The following CTTNBP2 variants were observed in gnomAD, a reference collection of about 807,000 sequenced individuals.
CTTNBP2 encodes the protein cortactin binding protein 2, also known as cortactin-binding protein 2.
Under a neutral mutation model 156.9 loss-of-function variants are expected in CTTNBP2, and 108 were observed. The ratio of observed to expected loss-of-function variants is 0.69; its 90% CI spans 0.59 to 0.81. The LOEUF is 0.81. Among genes scored for constraint, CTTNBP2 ranks in the 30% least tolerant of loss-of-function variants. CTTNBP2 has a pLI of 0.00. For missense variants in CTTNBP2, 1,924 were observed against 2,035.4 expected (o/e 0.95, Z 1.05); for synonymous variants, 767 against 751.8 (o/e 1.02, Z -0.33).
At chr7:117,780,183 A>C (rs996746596) in intron 7 of CTTNBP2, among the ~76,000 whole-genome samples, 1 of 152,220 alleles carries the variant, frequency 6.6e-6, no homozygotes, top group African/African-American at 2.4e-5. Context: ...TTCTAAAAAT[A>C]ATCAAAGCAT....
chr7:117,716,415 C>T (rs1425063537), intron 22 of CTTNBP2, among the ~76,000 whole-genome samples: 1 of 152,076 alleles, frequency 6.6e-6, no homozygotes, highest in Non-Finnish European at 1.5e-5. Flanking sequence ...TTGCTAAGAT[C>T]CTCCTGGCCC....
intron 16 of CTTNBP2, among the ~76,000 whole-genome samples, chr7:117,730,746 T>C (rs530374666): frequency 1.3e-5 from 2 of 151,916 alleles, no homozygotes; most frequent in South Asian, 4.2e-4. Flanking sequence ...ATATACAGAC[T>C]TGGCCAGCCA....
chr7:117,771,948 A>T (rs1584976406), intron 8 of CTTNBP2, among the ~76,000 whole-genome samples: 2 of 152,054 alleles, frequency 1.3e-5, no homozygotes, highest in South Asian at 4.2e-4. Flanking sequence ...AGCAGCAGGG[A>T]GGGGAGAGAG....
intron 3 of CTTNBP2, among the ~76,000 whole-genome samples, chr7:117,797,012 G>A (rs1799359337): frequency 6.6e-6 from 1 of 152,178 alleles, no homozygotes; most frequent in Admixed American, 6.5e-5. Flanking sequence ...AAACCCTCCT[G>A]TAAGAAAGGA....
chr7:117,739,747 T>C (rs139351937), intron 14 of CTTNBP2, among the ~76,000 whole-genome samples: 139 of 152,292 alleles, frequency 9.1e-4, no homozygotes, highest in Middle Eastern at 6.8e-3. Flanking sequence ...ACCCCGGCTC[T>C]GGAGGAACGA....
At chr7:117,773,708 C>CAT (rs58947775) in intron 8 of CTTNBP2, among the ~76,000 whole-genome samples, 1 of 131,044 alleles carries the variant, frequency 7.6e-6, no homozygotes. Flanking sequence ...CACACACACA[C>CAT]CCCAAAAAAC....
chr7:117,723,292 G>C (rs1281102236), intron 19 of CTTNBP2, among the ~76,000 whole-genome samples: 1 of 151,812 alleles, frequency 6.6e-6, no homozygotes, highest in Non-Finnish European at 1.5e-5. Context: ...ATATTGATAG[G>C]ATTAAAAAAA....
intron 14 of CTTNBP2, among the ~76,000 whole-genome samples, 156 bp downstream of exon 14, chr7:117,745,675 A>T (rs192022707): frequency 6.6e-6 from 1 of 152,354 alleles, no homozygotes; most frequent in African/African-American, 2.4e-5. Context: ...TAATATACAC[A>T]TGAAGATAAT....
intron 9 of CTTNBP2, among the ~76,000 whole-genome samples, chr7:117,763,746 T>A (rs1240931055): frequency 6.6e-6 from 1 of 151,740 alleles, no homozygotes; most frequent in East Asian, 1.9e-4. Flanking sequence ...TTTATTTTTA[T>A]TTTTTGAAGA....
At chr7:117,844,874 T>A (rs1802493141) in intron 2 of CTTNBP2, among the ~76,000 whole-genome samples, 1 of 152,038 alleles carries the variant, frequency 6.6e-6, no homozygotes, top group African/African-American at 2.4e-5. Context: ...ATGTTCTCAA[T>A]GAAACTGAAA....
chr7:117,733,578 C>A (rs538233628), intron 16 of CTTNBP2, among the ~76,000 whole-genome samples: 1 of 152,276 alleles, frequency 6.6e-6, no homozygotes, highest in South Asian at 2.1e-4. Context: ...TTTACCTCAC[C>A]ATTCGTCCTT....
intron 4 of CTTNBP2, among the ~76,000 whole-genome samples, chr7:117,788,192 C>G (rs1798807398): frequency 6.6e-6 from 1 of 152,168 alleles, no homozygotes; most frequent in Admixed American, 6.5e-5. Flanking sequence ...CCCGGCTGGT[C>G]TTGAACGCCT....
intron 2 of CTTNBP2, among the ~76,000 whole-genome samples, chr7:117,837,839 T>C (rs2117115477): frequency 6.6e-6 from 1 of 152,284 alleles, no homozygotes; most frequent in East Asian, 1.9e-4. Context: ...GACTCATACC[T>C]GTCTATAAAG....
chr7:117,784,336 C>T lies in CTTNBP2; in HGVS notation c.2187G>A (p.Leu729=). The part of the protein sequence containing the change: ...AQGNVTLLSM[L]LNEEGLDINY... ...TAATGTCCAGTCCTTCTTCATTAAG[C>T]AGCATTGATAATAAAGTGACATTTC... The change falls in exon 5 of 23, where the codon CTG becomes CTA. Residue 729 remains leucine (L), a synonymous_variant. Transcript: ENST00000160373. 1 of 1,613,926 alleles carries T rather than the reference C, an allele frequency of 6.2e-7. No individual in the cohort carries two copies. The highest frequency in any genetic ancestry group is 8.5e-7 in the Non-Finnish European group (1 of 1,179,950).
chr7:117,832,737 C>CTTTTTT (rs927988376), intron 2 of CTTNBP2, among the ~76,000 whole-genome samples: 5 of 112,996 alleles, frequency 4.4e-5, no homozygotes, highest in Non-Finnish European at 7.0e-5. Flanking sequence ...ATTCATCAAC[C>CTTTTTT]TTTTTTTTTT....
At chr7:117,763,904 A>C (rs1797341549) in intron 9 of CTTNBP2, among the ~76,000 whole-genome samples, 4 of 151,226 alleles carry the variant, frequency 2.6e-5, no homozygotes, top group Admixed American at 2.6e-4. Flanking sequence ...TTTCCTTCCT[A>C]TTTCCCAATC....
chr7:117,711,293 A>C lies in CTTNBP2; in HGVS notation c.*244T>G. On this transcript the variant is annotated 3_prime_UTR_variant, in exon 23 of 23. Coordinates refer to ENST00000160373, the MANE Select transcript of CTTNBP2 (RefSeq NM_033427.3). ...AAACTATTACAATTTTTCTATTATA[A>C]AACTACTTGAAAAGTTGGCATAACT... 1 of 419,042 alleles carries C rather than the reference A, an allele frequency of 2.4e-6. No individual in the cohort carries two copies. The highest frequency in any genetic ancestry group is 4.3e-6 in the Non-Finnish European group (1 of 234,552). The allele number at this position is 419,042 out of a possible 1,614,324, so 26.0% of individuals were successfully genotyped here.
chr7:117,860,951 G>C lies in CTTNBP2; in HGVS notation c.189+258C>G, dbSNP rs74435989. 3.2e-3 allele frequency among the ~76,000 whole-genome samples: 484 copies of C among 152,198 alleles called. 4 individuals carry two copies. Among genetic ancestry groups the C allele is most frequent in the African/African-American group, 0.011 (454 of 41,528 alleles). On this transcript the variant is annotated intron_variant, in intron 2 of 22. Transcript: ENST00000160373. ...GTGAAACATAAAAGGATTTCTGAAC[G>C]AGTACAGCTGACTCCTCAAGTTTCC...
Position 117,845,148 on chromosome 7 carries a change from G to A in CTTNBP2, c.189+16061C>T, listed in dbSNP as rs549068322. 3.3e-5 allele frequency among the ~76,000 whole-genome samples: 5 copies of A among 152,238 alleles called. No homozygotes were observed. The East Asian group carries it at 9.7e-4, about 29-fold the overall frequency. On this transcript the variant is annotated intron_variant, in intron 2 of 22. Coordinates refer to ENST00000160373, the MANE Select transcript of CTTNBP2 (RefSeq NM_033427.3). ...AGAATTTAATTTCACTGGCACCAGG[G>A]TTTTACCAAGTGAGGACCAAGGGAA...
Sources: gnomAD v4.1 joint callset for allele counts (sites outside exome capture counted in the v4.1 genomes callset) on GRCh38, gnomAD v4.1.1 for gene constraint, MANE v1.5 for transcripts, NCBI Gene and HGNC (gene_info 2026-07-23, HGNC 2026-07-21) for gene names.